SRGAP3: variants seen among roughly 807,000 people sequenced by gnomAD.
SRGAP3 encodes SLIT-ROBO Rho GTPase-activating protein 3.
In SRGAP3, 39 loss-of-function variants were observed where a neutral mutation model predicts 121.1. The observed-to-expected ratio is 0.32, with a 90% CI of 0.25 to 0.42. The LOEUF (loss-of-function observed/expected upper bound fraction) is 0.42, where lower values mean the gene tolerates loss of function less well. Among genes scored for constraint, SRGAP3 ranks in the 10% least tolerant of loss-of-function variants. The probability of loss-of-function intolerance (pLI) is 1.00; values close to 1 mark genes in which losing one functional copy is unlikely to be tolerated. For synonymous variants in SRGAP3, 601 were observed against 570.0 expected (o/e 1.05, Z -0.77); for missense variants, 1,213 against 1,470.6 (o/e 0.82, Z 2.86).
At chr3:9,195,562 C>A (rs550015915) in intron 1 of SRGAP3, among the ~76,000 whole-genome samples, 1 of 152,190 alleles carries the variant, frequency 6.6e-6, no homozygotes, top group Non-Finnish European at 1.5e-5. Flanking sequence ...GCTCCTCCCC[C>A]TCCCCATCCT....
intron 1 of SRGAP3, among the ~76,000 whole-genome samples, chr3:9,220,074 C>A (rs955993079): frequency 6.6e-6 from 1 of 151,950 alleles, no homozygotes; most frequent in Non-Finnish European, 1.5e-5. Context: ...TTAATGGGTA[C>A]AAACATATAT....
chr3:9,092,938 G>C (rs182484732), intron 3 of SRGAP3, among the ~76,000 whole-genome samples: 17 of 152,098 alleles, frequency 1.1e-4, no homozygotes, highest in Non-Finnish European at 2.1e-4. Flanking sequence ...TTGTGTCCCT[G>C]ATGTCGATGT....
intron 3 of SRGAP3, among the ~76,000 whole-genome samples, chr3:9,320,973 T>C (rs759266327): frequency 3.3e-5 from 5 of 151,974 alleles, no homozygotes; most frequent in Admixed American, 1.3e-4. Flanking sequence ...ATCTAATTAC[T>C]GCCCTTTGAA....
At chr3:9,273,545 T>C (rs946761633) in intron 3 of SRGAP3, among the ~76,000 whole-genome samples, 1 of 152,204 alleles carries the variant, frequency 6.6e-6, no homozygotes, top group African/African-American at 2.4e-5. Context: ...ACTCCATGAT[T>C]GCCTTTTCAC....
At chr3:9,020,314 CT>C (rs147699152) in intron 14 of SRGAP3, among the ~76,000 whole-genome samples, 33 of 149,508 alleles carry the variant, frequency 2.2e-4, no homozygotes, top group Admixed American at 3.3e-4. Context: ...GAATCTCAAC[CT>C]TTTTTTTTTC....
chr3:9,201,733 G>A (rs1311573296), intron 1 of SRGAP3, among the ~76,000 whole-genome samples: 2 of 152,220 alleles, frequency 1.3e-5, no homozygotes, highest in South Asian at 2.1e-4. Flanking sequence ...TCAAGTGCAT[G>A]TAACACTCAA....
intron 18 of SRGAP3, among the ~76,000 whole-genome samples, chr3:8,998,594 T>A (rs1942559320): frequency 1.3e-5 from 2 of 152,086 alleles, no homozygotes; most frequent in Admixed American, 6.5e-5. Flanking sequence ...TACATACACA[T>A]ATGTGTATAT....
chr3:9,131,374 T>G (rs975638912), intron 1 of SRGAP3, among the ~76,000 whole-genome samples: 2 of 150,226 alleles, frequency 1.3e-5, no homozygotes. Flanking sequence ...CACTGCATGG[T>G]GCAGTCTCTT....
At chr3:9,349,405 G>A (rs1191228866) in intron 1 of SRGAP3, among the ~76,000 whole-genome samples, 2 of 152,172 alleles carry the variant, frequency 1.3e-5, no homozygotes, top group Admixed American at 1.3e-4. Flanking sequence ...CACTTCTAGG[G>A]CAAGGCTTCT....
intron 1 of SRGAP3, among the ~76,000 whole-genome samples, chr3:9,130,855 C>T (rs561900307): frequency 1.3e-5 from 2 of 152,336 alleles, no homozygotes. Context: ...AGAGGAAAAG[C>T]TCATAAATCA....
Position 9,309,146 on chromosome 3 carries a change from A to C in SRGAP3, n.442+16864T>G, listed in dbSNP as rs182077518. 1.6e-3 allele frequency among the ~76,000 whole-genome samples: 246 copies of C among 152,294 alleles called. 1 individual carries two copies. The highest frequency in any genetic ancestry group is 3.5e-3 in the South Asian group (17 of 4,822). On this transcript the variant is annotated intron_variant and non_coding_transcript_variant, in intron 3 of 3. Coordinates refer to the SRGAP3 transcript ENST00000490889. ...TGTGTAAGACCAGGCAAGACAACTG[A>C]ATGATGAGAAACCATGTGGGGTGAG...
intron 3 of SRGAP3, among the ~76,000 whole-genome samples, chr3:9,300,685 G>A (rs920662676): frequency 6.6e-6 from 1 of 152,192 alleles, no homozygotes; most frequent in African/African-American, 2.4e-5. Context: ...GGAGAGAGGG[G>A]AGAAATTTTG....
chr3:9,257,470 A>C (rs1243888076), intron 3 of SRGAP3: 4 of 152,116 alleles, frequency 2.6e-5, no homozygotes, highest in Admixed American at 1.3e-4. Flanking sequence ...ACCCTCCAGA[A>C]CTGTGAGAAA....
chr3:9,055,694 T>C (rs888097410), intron 8 of SRGAP3, among the ~76,000 whole-genome samples: 1 of 152,182 alleles, frequency 6.6e-6, no homozygotes, highest in African/African-American at 2.4e-5. Context: ...AAAACAGAAA[T>C]TCATTGCAGA....
At chr3:9,196,815 A>G (rs1951934016) in intron 1 of SRGAP3, among the ~76,000 whole-genome samples, 1 of 152,206 alleles carries the variant, frequency 6.6e-6, no homozygotes. Context: ...TAAGATAGCA[A>G]AGTTGCACCC....
Position 8,985,887 on chromosome 3 carries a change from G to C in SRGAP3, c.2932C>G (p.Leu978Val). The stretch of plus-strand genomic sequence containing the variant: ...TGCTTGACCGTGTTCTGCCTCTCGA[G>C]TTCCCGCAACTCGTGCAGAGCCGTG... ...MSTALHELRELERQNTVKQAP... is the reference protein window; with the variant it reads ...MSTALHELREVERQNTVKQAP... The change falls in exon 22 of 22, where the codon CTC becomes GTC. Residue 978 changes from leucine (L) to valine (V), a missense_variant. Leu to Val is a conservative substitution (Grantham distance 32). Around this residue, in one of 2 missense-constraint regions of SRGAP3, gnomAD observed 420 missense variants for 437.7 expected, o/e 0.96. Coordinates refer to ENST00000383836, the MANE Select transcript of SRGAP3 (RefSeq NM_014850.4). This position sits in a 1 kb window ranked among gnomAD's most constrained non-coding sequence, Gnocchi z 5.1. The C allele has an allele frequency of 6.3e-7, 1 of 1,599,926 alleles. No individual in the cohort carries two copies. Among genetic ancestry groups the C allele is most frequent in the Non-Finnish European group, 8.5e-7 (1 of 1,179,922 alleles).
intron 3 of SRGAP3, among the ~76,000 whole-genome samples, chr3:9,261,765 G>A (rs1478621541): frequency 6.6e-6 from 1 of 150,848 alleles, no homozygotes; most frequent in East Asian, 2.0e-4. Flanking sequence ...AACCAAGCTG[G>A]AAAACACACT....
In SRGAP3 at chr3:9,032,748, G is replaced by A; in HGVS notation, c.1441C>T (p.Pro481Ser). ...ERAECGTTRP[P>S]CLPPKPQKMR... The stretch of plus-strand genomic sequence containing the variant: ...TTCTGTGGTTTAGGGGGAAGACAGG[G>A]GGGCCTAGGGGAAAACGGAACAAAA... Residue 481 changes from proline to serine, a missense_variant, in exon 12 of 22, where the codon CCC becomes TCC. Transcript: ENST00000383836. 6.2e-7 allele frequency: 1 copy of A among 1,613,094 alleles called. No individual in the cohort carries two copies. Among genetic ancestry groups the A allele is most frequent in the East Asian group, 2.2e-5 (1 of 44,844 alleles).
chr3:9,341,676 C>T (rs184232316), intron 1 of SRGAP3, among the ~76,000 whole-genome samples: 2 of 152,142 alleles, frequency 1.3e-5, no homozygotes, highest in East Asian at 1.9e-4. Flanking sequence ...TGTTTGTTTG[C>T]GTTATAGAGA....
Sources: allele counts gnomAD v4.1 joint callset (sites outside exome capture counted in the v4.1 genomes callset), GRCh38; gene constraint gnomAD v4.1.1; regional missense constraint gnomAD v4.1.1; non-coding constraint Gnocchi (gnomAD v3.1); transcripts MANE v1.5; gene names NCBI Gene and HGNC (gene_info 2026-07-23, HGNC 2026-07-21).